Variants in L3MBTL4 observed in about 807,000 individuals in gnomAD.
The protein encoded by L3MBTL4 is lethal(3)malignant brain tumor-like protein 4.
L3MBTL4 carries 70 observed loss-of-function variants against 84.5 expected under a neutral mutation model. The observed-to-expected ratio is 0.83, with a 90% CI of 0.68 to 1.01. The LOEUF is 1.01. L3MBTL4 is among the 50% of genes least tolerant of loss of function. The pLI, the probability that L3MBTL4 is intolerant of heterozygous loss-of-function variation, is 0.00. For synonymous variants in L3MBTL4, 274 were observed against 259.8 expected (o/e 1.05, Z -0.52); for missense variants, 715 against 754.8 (o/e 0.95, Z 0.62).
chr18:6,214,655 C>T (rs1330734117), intron 11 of L3MBTL4, among the ~76,000 whole-genome samples: 1 of 152,158 alleles, frequency 6.6e-6, no homozygotes, highest in Non-Finnish European at 1.5e-5. Flanking sequence ...ATCACATCTA[C>T]TAAATGGAGT....
chr18:6,274,787 T>C (rs571674996), intron 4 of L3MBTL4, among the ~76,000 whole-genome samples: 4 of 152,310 alleles, frequency 2.6e-5, no homozygotes, highest in Admixed American at 2.6e-4. Context: ...GCAGGCATGA[T>C]ATGACGAGGT....
intron 12 of L3MBTL4, among the ~76,000 whole-genome samples, chr18:6,206,716 A>C (rs1019386823): frequency 6.6e-6 from 1 of 152,144 alleles, no homozygotes; most frequent in African/African-American, 2.4e-5. Flanking sequence ...AAACCAAATA[A>C]AAAGAGGGTT....
At chr18:6,295,330 CTCTCTCTCTCTCTCTCTATA>C (rs1284314093) in intron 4 of L3MBTL4, among the ~76,000 whole-genome samples, 5 of 128,158 alleles carry the variant, frequency 3.9e-5, no homozygotes, top group Non-Finnish European at 6.2e-5. Flanking sequence ...CTCTCTCTCT[CTCTCTCTCTCTCTCTCTATA>C]TATATATATA....
intron 5 of L3MBTL4, among the ~76,000 whole-genome samples, chr18:6,245,061 C>T (rs965252586): frequency 6.6e-6 from 1 of 152,080 alleles, no homozygotes; most frequent in Non-Finnish European, 1.5e-5. Context: ...ATACTGCGCC[C>T]AGCTAATTTT....
intron 10 of L3MBTL4, among the ~76,000 whole-genome samples, chr18:6,217,438 G>A (rs1467097703): frequency 6.6e-6 from 1 of 152,172 alleles, no homozygotes; most frequent in African/African-American, 2.4e-5. Context: ...TGAGGGTCAG[G>A]TGGATTATTG....
At chr18:6,261,539 C>T (rs1260582150) in intron 5 of L3MBTL4, among the ~76,000 whole-genome samples, 1 of 152,168 alleles carries the variant, frequency 6.6e-6, no homozygotes, top group Admixed American at 6.5e-5. Context: ...CAACGTTGTG[C>T]CCCTCCCACT....
chr18:6,048,561 T>A (rs186024116), intron 16 of L3MBTL4, among the ~76,000 whole-genome samples: 373 of 151,088 alleles, frequency 2.5e-3, no homozygotes, highest in Admixed American at 4.3e-3. Flanking sequence ...CTGTGGGAGG[T>A]CAAGGCAGGT....
chr18:5,990,313 T>C (rs1304005979), intron 16 of L3MBTL4, among the ~76,000 whole-genome samples: 2 of 152,254 alleles, frequency 1.3e-5, no homozygotes, highest in East Asian at 1.9e-4. Context: ...TAGTTATATA[T>C]AGATTTCTGA....
intron 12 of L3MBTL4, among the ~76,000 whole-genome samples, chr18:6,172,950 G>A (rs934806687): frequency 7.9e-5 from 12 of 151,998 alleles, no homozygotes; most frequent in African/African-American, 1.7e-4. Flanking sequence ...CTCAAGAGTC[G>A]TCTTTCTAAG....
chr18:6,157,466 A>G (rs1462842473), intron 13 of L3MBTL4, among the ~76,000 whole-genome samples: 1 of 152,202 alleles, frequency 6.6e-6, no homozygotes, highest in East Asian at 1.9e-4. Flanking sequence ...TTCAATGCTC[A>G]TAAAAGATGG....
chr18:6,214,546 C>T (rs1055950904), intron 11 of L3MBTL4, among the ~76,000 whole-genome samples: 3 of 152,148 alleles, frequency 2.0e-5, no homozygotes, highest in Admixed American at 1.3e-4. Flanking sequence ...AAATAAAACC[C>T]AACTAATATG....
rs941822665 is a variant in L3MBTL4, at chr18:6,316,115, T to C, written c.-90-4059A>G. Among the ~76,000 whole-genome samples the C allele has an allele frequency of 1.4e-4, 20 of 139,686 alleles. 2 individuals carry two copies. Among genetic ancestry groups the C allele is most frequent in the Non-Finnish European group, 6.3e-5 (4 of 63,460 alleles). The allele number at this position is 139,686 out of a possible 152,430, so 91.6% of individuals were successfully genotyped here. A position where few individuals can be genotyped will look rare whatever the true frequency, so the allele number is the denominator to read the frequency against. On this transcript the variant is annotated intron_variant, in intron 1 of 18. Transcript: ENST00000317931. ...ACTGCTGGGAGACATAAGGAAACAG[T>C]TACGTCACTCTCACGGAGTCCATGC...
At chr18:6,278,088 C>T (rs1299398154) in intron 4 of L3MBTL4, among the ~76,000 whole-genome samples, 1 of 151,992 alleles carries the variant, frequency 6.6e-6, no homozygotes, top group Non-Finnish European at 1.5e-5. Context: ...TTGTAGTGCT[C>T]ATTTAATTTT....
chr18:6,121,616 A>AAGCAGAC (rs146864263), intron 14 of L3MBTL4, among the ~76,000 whole-genome samples: 3,776 of 152,210 alleles, frequency 0.025, 134 homozygotes, highest in African/African-American at 0.082. Context: ...ACCAAAGGGG[A>AAGCAGAC]AGCAGACATT....
intron 13 of L3MBTL4, among the ~76,000 whole-genome samples, chr18:6,153,529 T>C (rs1403665988): frequency 6.6e-6 from 1 of 152,174 alleles, no homozygotes; most frequent in African/African-American, 2.4e-5. Flanking sequence ...CCAACTGATT[T>C]TTGTATATTG....
intron 12 of L3MBTL4, among the ~76,000 whole-genome samples, chr18:6,190,473 T>C (rs1046057016): frequency 1.3e-5 from 2 of 152,204 alleles, no homozygotes; most frequent in Admixed American, 6.5e-5. Context: ...CTGCAAATAT[T>C]TGCCCCATTA....
intron 16 of L3MBTL4, among the ~76,000 whole-genome samples, chr18:6,006,861 A>T (rs493664): frequency 0.045 from 6,800 of 152,294 alleles, 520 homozygotes; most frequent in African/African-American, 0.15. Context: ...TGATGTAAAC[A>T]GTGTTGAATC....
chr18:6,061,933 G>A (rs1034240864), intron 16 of L3MBTL4, among the ~76,000 whole-genome samples: 9 of 151,600 alleles, frequency 5.9e-5, no homozygotes, highest in Admixed American at 1.3e-4. Context: ...TGTTATTGCC[G>A]GCATTCATTT....
chr18:6,042,285 C>T (rs2056437021), intron 16 of L3MBTL4, among the ~76,000 whole-genome samples: 1 of 152,084 alleles, frequency 6.6e-6, no homozygotes. Context: ...TTCAACCTCT[C>T]CTTCTCACCA....
Sources: allele counts gnomAD v4.1 joint callset (sites outside exome capture counted in the v4.1 genomes callset), GRCh38; gene constraint gnomAD v4.1.1; transcripts MANE v1.5; gene names NCBI Gene and HGNC (gene_info 2026-07-23, HGNC 2026-07-21).